The following CPNE9 variants were observed in gnomAD, a reference collection of about 807,000 sequenced individuals.
The protein encoded by CPNE9 is copine family member 9, also known as copine-9.
Under a neutral mutation model 83.0 loss-of-function variants are expected in CPNE9, and 59 were observed. The ratio of observed to expected loss-of-function variants is 0.71; its 90% CI spans 0.58 to 0.88. The LOEUF (loss-of-function observed/expected upper bound fraction) is 0.88, where lower values mean the gene tolerates loss of function less well. CPNE9 is among the 40% of genes least tolerant of loss of function. The pLI, the probability that CPNE9 is intolerant of heterozygous loss-of-function variation, is 0.00. For missense variants in CPNE9, 619 were observed against 720.8 expected (o/e 0.86, Z 1.62); for synonymous variants, 256 against 273.4 (o/e 0.94, Z 0.63).
At chr3:9,727,066 G>T (rs755476113) in intron 19 of CPNE9, 47 bp from the exon 20 acceptor site, 17 of 1,604,258 alleles carry the variant, frequency 1.1e-5, no homozygotes, top group Admixed American at 1.7e-5. Flanking sequence ...GCAGCATGGG[G>T]TGGGGCTGGA....
chr3:9,713,409 T>C (rs1009905057), intron 10 of CPNE9, among the ~76,000 whole-genome samples: 3 of 152,076 alleles, frequency 2.0e-5, no homozygotes, highest in Non-Finnish European at 4.4e-5. Context: ...TGGATGGATA[T>C]ATGAGTGAAT....
chr3:9,708,549 T>A (rs1156782098), intron 7 of CPNE9, among the ~76,000 whole-genome samples: 1 of 152,226 alleles, frequency 6.6e-6, no homozygotes, highest in Non-Finnish European at 1.5e-5. Context: ...CCATTGCATT[T>A]AGCAAGATGA....
rs753514381 is a variant in CPNE9 at position 9,718,528 on chromosome 3, C to G, written c.1167C>G (p.Ser389Arg). Residue 389 changes from serine to arginine, a missense_variant, in exon 17 of 21, where the codon AGC (serine) becomes AGG (arginine). Ser to Arg is a moderately radical substitution (Grantham distance 110). Around this residue, in one of 3 missense-constraint regions of CPNE9, gnomAD observed 438 missense variants for 562.9 expected, o/e 0.78. Coordinates refer to ENST00000383832, the MANE Select transcript of CPNE9 (RefSeq NM_153635.3). ...CGGGCATCGAGGGTGTGCTGGAGAG[C>G]TATTTCCAGAGCCTGCGCACAGTGC... ...NCAGIEGVLE[S>R]YFQSLRTVQL... The G allele has an allele frequency of 6.2e-7, 1 of 1,613,704 alleles. No homozygotes were observed. Among genetic ancestry groups the G allele is most frequent in the South Asian group, 1.1e-5 (1 of 91,074 alleles).
chr3:9,708,799 ATT>A (rs1426507853), intron 7 of CPNE9, among the ~76,000 whole-genome samples: 13 of 151,488 alleles, frequency 8.6e-5, no homozygotes, highest in Non-Finnish European at 1.9e-4. Flanking sequence ...TGCCCGGCTA[ATT>A]TTTTTTGTAT....
intron 7 of CPNE9, 103 bp downstream of exon 7, chr3:9,706,166 G>A (rs1037146438): frequency 6.3e-5 from 72 of 1,136,454 alleles, no homozygotes; most frequent in Non-Finnish European, 5.1e-6. Context: ...GGTTGCCCCT[G>A]GTCAGGAGCC....
At chr3:9,705,419 T>TAGGCC in intron 4 of CPNE9, 45 bp from the exon 5 acceptor site, 1 of 662,638 alleles carries the variant, frequency 1.5e-6, no homozygotes, top group Non-Finnish European at 2.7e-6. Context: ...TTCCACCCTC[T>TAGGCC]CCCCCACCCA....
chr3:9,727,496 C>A, intron 20 of CPNE9: 1 of 697,990 alleles, frequency 1.4e-6, no homozygotes, highest in Non-Finnish European at 2.7e-6. Flanking sequence ...TAGCAAATGC[C>A]ACTGTGAGAG....
chr3:9,708,616 G>A lies in CPNE9; in HGVS notation c.377+2553G>A, dbSNP rs145135881. Among the ~76,000 whole-genome samples, 9 of 152,318 alleles carry A rather than the reference G, an allele frequency of 5.9e-5. No individual in the cohort carries two copies. The East Asian group carries it at 1.7e-3, about 29-fold the overall frequency. Reference sequence around the variant, plus strand: ...AAGGAGAGGTGGAGGTGAAGACAATGGAAGAGCGGGAAAGGAGTCAAGGAA... The same window carrying A: ...AAGGAGAGGTGGAGGTGAAGACAATAGAAGAGCGGGAAAGGAGTCAAGGAA... On this transcript the variant is annotated intron_variant, in intron 7 of 20. Transcript: ENST00000383832.
intron 15 of CPNE9, among the ~76,000 whole-genome samples, chr3:9,717,553 A>G (rs1325794880): frequency 6.6e-6 from 1 of 152,246 alleles, no homozygotes; most frequent in East Asian, 1.9e-4. Context: ...GGATAGATCC[A>G]TATGAGAATA....
chr3:9,712,523 G>A lies in CPNE9; in HGVS notation c.378-18G>A. On this transcript the variant is annotated intron_variant, in intron 7 of 20. Coordinates refer to ENST00000383832, the MANE Select transcript of CPNE9 (RefSeq NM_153635.3). ...CCTACCCTCCCTCCTCTCACTAAGA[G>A]GCTTTTTCTGCTTCCAGGGGTGTAC... 6.2e-7 allele frequency: 1 copy of A among 1,612,428 alleles called. No individual in the cohort carries two copies. Among genetic ancestry groups the A allele is most frequent in the Non-Finnish European group, 8.5e-7 (1 of 1,178,460 alleles).
Position 9,727,130 on chromosome 3 carries a change from G to A in CPNE9, c.1420G>A (p.Gly474Ser), listed in dbSNP as rs1488679784. 28 of 1,614,030 alleles carry A rather than the reference G, an allele frequency of 1.7e-5. No homozygotes were observed. Among genetic ancestry groups the A allele is most frequent in the East Asian group, 2.2e-5 (1 of 44,880 alleles). The change falls in exon 20 of 21, where the codon GGT becomes AGT. Residue 474 changes from glycine (G) to serine (S), a missense_variant. Physicochemically the swap from Gly to Ser is moderately conservative, Grantham distance 56 (BLOSUM62 0). Coordinates refer to ENST00000383832, the MANE Select transcript of CPNE9 (RefSeq NM_153635.3). ...TTCTGCAGCAATGGAAGAGTTGGAC[G>A]GTGATGATGTGCGCGTGTCCTCTAG... is the stretch of plus-strand genomic sequence containing the variant. ...AMFEAMEELDGDDVRVSSRGR... is the reference protein window; with the variant it reads ...AMFEAMEELDSDDVRVSSRGR...
In CPNE9 at chr3:9,726,027, G is replaced by T; in HGVS notation, c.1320G>T (p.Thr440=). ...IITDGVISDM[T]QTKEAIVSAS... ...CTGATGGGGTCATCTCTGACATGAC[G>T]CAGACCAAGGAGGCCATCGTCAGCG... The change falls in exon 18 of 21, where the codon ACG becomes ACT. Residue 440 remains threonine (T), a synonymous_variant. Transcript: ENST00000383832. The T allele has an allele frequency of 6.2e-7, 1 of 1,607,094 alleles. No individual in the cohort carries two copies. Among genetic ancestry groups the T allele is most frequent in the Non-Finnish European group, 8.5e-7 (1 of 1,176,492 alleles).
At position 9,705,186 on chromosome 3, in the gene CPNE9, C is replaced by A. The variant is rs949962830; in HGVS notation, c.260+192C>A. Reference sequence around the variant, plus strand: ...GGTCCAGTTCCGTCCCCCGCTCTGGCCCCGCCCACAACTCTGCTCCTATCG... The same window carrying A: ...GGTCCAGTTCCGTCCCCCGCTCTGGACCCGCCCACAACTCTGCTCCTATCG... On this transcript the variant is annotated intron_variant, in intron 4 of 20. Coordinates refer to ENST00000383832, the MANE Select transcript of CPNE9 (RefSeq NM_153635.3). Among the ~76,000 whole-genome samples the A allele has an allele frequency of 5.9e-5, 9 of 152,074 alleles. No individual in the cohort carries two copies. In the South Asian group the frequency reaches 1.0e-3, roughly 18 times the overall value.
intron 16 of CPNE9, 58 bp from the exon 17 acceptor site, chr3:9,718,417 G>C: frequency 6.4e-7 from 1 of 1,573,640 alleles, no homozygotes; most frequent in South Asian, 1.1e-5. Flanking sequence ...GCTGGAATCA[G>C]AGCACTCCTG....
At chr3:9,725,620 GTA>G (rs4021199) in intron 17 of CPNE9, among the ~76,000 whole-genome samples, 2 of 99,326 alleles carry the variant, frequency 2.0e-5, no homozygotes, top group East Asian at 2.0e-4. Context: ...GTATACATGT[GTA>G]TATATATGTA....
intron 14 of CPNE9, among the ~76,000 whole-genome samples, chr3:9,716,294 G>T (rs1301690667): frequency 6.6e-6 from 1 of 152,140 alleles, no homozygotes. Context: ...TTCACTGGTG[G>T]CCCCAGTAAC....
chr3:9,716,163 G>T (rs2076682208), intron 14 of CPNE9, 128 bp downstream of exon 14: 2 of 780,294 alleles, frequency 2.6e-6, no homozygotes, highest in East Asian at 5.4e-5. Context: ...TAAAACACTT[G>T]GCCAACTATA....
intron 4 of CPNE9, 90 bp from the exon 5 acceptor site, chr3:9,705,374 C>G: frequency 9.4e-7 from 1 of 1,060,680 alleles, no homozygotes; most frequent in Non-Finnish European, 1.4e-6. Context: ...ATCCCTCCAC[C>G]CAAAATTTTC....
chr3:9,706,728 A>G (rs1293100594), intron 7 of CPNE9, among the ~76,000 whole-genome samples: 1 of 152,236 alleles, frequency 6.6e-6, no homozygotes, highest in East Asian at 1.9e-4. Flanking sequence ...TGGGAGGTGC[A>G]GGATTCAACA....
Sources: gnomAD v4.1 joint callset for allele counts (sites outside exome capture counted in the v4.1 genomes callset) on GRCh38, gnomAD v4.1.1 for gene constraint, gnomAD v4.1.1 regional missense constraint, MANE v1.5 for transcripts, NCBI Gene and HGNC (gene_info 2026-07-23, HGNC 2026-07-21) for gene names.